Variants in DHRSX observed in about 807,000 individuals in gnomAD.
DHRSX encodes dehydrogenase/reductase X-linked, also known as polyprenol dehydrogenase.
DHRSX carries 31 observed loss-of-function variants against 34.0 expected under a neutral mutation model. The ratio of observed to expected loss-of-function variants is 0.91; its 90% CI spans 0.69 to 1.23. DHRSX has a LOEUF of 1.23. Ranked by LOEUF, DHRSX falls within the 50% of genes most tolerant of loss-of-function variation. The pLI is 0.00. For missense variants in DHRSX, 414 were observed against 428.1 expected, an observed-to-expected ratio of 0.97 and a Z score of 0.29; for synonymous variants, 201 against 183.8, an observed-to-expected ratio of 1.09 and a Z score of -0.76.
intron 3 of DHRSX, among the ~76,000 whole-genome samples, chrX:2,373,972 G>A (rs1466418678): frequency 6.6e-6 from 1 of 152,204 alleles, no homozygotes; most frequent in Non-Finnish European, 1.5e-5. Flanking sequence ...GTAAGTTCCT[G>A]TAGCATCTTA....
intron 2 of DHRSX, among the ~76,000 whole-genome samples, chrX:2,417,462 G>A (rs17461767): frequency 0.82 from 124,022 of 151,982 alleles, 51,394 homozygotes; most frequent in African/African-American, 0.95. Context: ...TAACCCAGCT[G>A]GACCTTATCA....
At chrX:2,316,929 C>T (rs2042247486) in intron 3 of DHRSX, among the ~76,000 whole-genome samples, 1 of 152,152 alleles carries the variant, frequency 6.6e-6, no homozygotes, top group Admixed American at 6.6e-5. Context: ...GAAAAACAGA[C>T]GCCAGTCACC....
chrX:2,360,111 A>G (rs2042909811), intron 3 of DHRSX, among the ~76,000 whole-genome samples: 1 of 152,196 alleles, frequency 6.6e-6, no homozygotes, highest in South Asian at 2.1e-4. Flanking sequence ...AAGAATCAAA[A>G]TTTCCAGAAG....
intron 5 of DHRSX, among the ~76,000 whole-genome samples, chrX:2,259,311 T>C (rs1457331157): frequency 1.4e-5 from 2 of 146,968 alleles, no homozygotes; most frequent in South Asian, 2.2e-4. Flanking sequence ...GATATAGATA[T>C]AGATATATAG....
At chrX:2,266,661 A>C in intron 5 of DHRSX, 79 bp downstream of exon 5, 1 of 1,410,546 alleles carries the variant, frequency 7.1e-7, no homozygotes, top group Non-Finnish European at 1.0e-6. Context: ...AGGGAGCGCC[A>C]CACCGCACAG....
intron 3 of DHRSX, among the ~76,000 whole-genome samples, chrX:2,380,504 A>G (rs1388447293): frequency 6.6e-6 from 1 of 152,102 alleles, no homozygotes. Context: ...ATGTATAGAT[A>G]TGATGTATGA....
rs1238720791 is a variant in DHRSX, at chrX:2,489,423, T to G, written c.109+11394A>C. 2.0e-5 allele frequency: 33 copies of G among 1,613,662 alleles called. No individual in the cohort carries two copies. The Admixed American group carries it at 5.5e-4, about 27-fold the overall frequency. ...GAGTCGGTCTCCTTGATGTTGAGCG[T>G]GGTGTTCAGGAGCATGTGCAGCAGC... is the stretch of plus-strand genomic sequence containing the variant. On this transcript the variant is annotated intron_variant, in intron 1 of 6. Transcript: ENST00000334651.
intron 4 of DHRSX, among the ~76,000 whole-genome samples, chrX:2,276,775 A>G (rs2041662528): frequency 6.7e-6 from 1 of 148,816 alleles, no homozygotes; most frequent in Middle Eastern, 3.4e-3. Flanking sequence ...CAAAGAAGGA[A>G]GAGAGAAGGA....
intron 1 of DHRSX, among the ~76,000 whole-genome samples, chrX:2,436,409 T>C (rs1443477419): frequency 6.6e-6 from 1 of 151,166 alleles, no homozygotes; most frequent in Non-Finnish European, 1.5e-5. Flanking sequence ...TGTTTTATCA[T>C]GAGGTTGGTG....
chrX:2,353,786 C>T (rs1468128928), intron 3 of DHRSX, among the ~76,000 whole-genome samples: 3 of 151,760 alleles, frequency 2.0e-5, no homozygotes, highest in East Asian at 3.9e-4. Flanking sequence ...GGTCTCTCCA[C>T]GTTGGTCAGG....
At chrX:2,386,204 G>A (rs2043270482) in intron 3 of DHRSX, among the ~76,000 whole-genome samples, 2 of 137,794 alleles carry the variant, frequency 1.5e-5, no homozygotes, top group Admixed American at 1.5e-4. Flanking sequence ...TATTTTGTGT[G>A]TGAGAGAGAG....
At chrX:2,378,190 CG>C (rs2043163839) in intron 3 of DHRSX, among the ~76,000 whole-genome samples, 1 of 152,242 alleles carries the variant, frequency 6.6e-6, no homozygotes, top group African/African-American at 2.4e-5. Flanking sequence ...TCCTTTGACA[CG>C]GGCTCTGCCC....
At chrX:2,332,944 G>C (rs2042499142) in intron 3 of DHRSX, among the ~76,000 whole-genome samples, 1 of 152,050 alleles carries the variant, frequency 6.6e-6, no homozygotes, top group Non-Finnish European at 1.5e-5. Flanking sequence ...ATGGGCGTGA[G>C]GTAACTAACA....
intron 1 of DHRSX, among the ~76,000 whole-genome samples, chrX:2,459,145 T>G (rs1043020696): frequency 6.6e-6 from 1 of 151,996 alleles, no homozygotes; most frequent in African/African-American, 2.4e-5. Flanking sequence ...CTCAAAAACA[T>G]AAATTACATT....
At chrX:2,415,709 C>T (rs759653465) in intron 2 of DHRSX, among the ~76,000 whole-genome samples, 2 of 151,618 alleles carry the variant, frequency 1.3e-5, no homozygotes, top group South Asian at 4.2e-4. Flanking sequence ...CTGAATATGA[C>T]TAGATCTCAT....
At chrX:2,304,182 T>C (rs1240117361) in intron 3 of DHRSX, among the ~76,000 whole-genome samples, 1 of 114,670 alleles carries the variant, frequency 8.7e-6, no homozygotes, top group Non-Finnish European at 1.8e-5. Flanking sequence ...GATGGATGGA[T>C]GGATGGATGG....
At chrX:2,500,267 C>G (rs767850821) in intron 1 of DHRSX, 254 of 167,958 alleles carry the variant, frequency 1.5e-3, no homozygotes, top group African/African-American at 5.7e-3. Context: ...GCCTCTGGGC[C>G]CCCTCTGGAG....
At chrX:2,397,930 G>GCA (rs111697078) in intron 3 of DHRSX, among the ~76,000 whole-genome samples, 5,021 of 138,268 alleles carry the variant, frequency 0.036, 406 homozygotes, top group South Asian at 0.14. Context: ...CTCAGAGCGC[G>GCA]CACACACACA....
intron 1 of DHRSX, among the ~76,000 whole-genome samples, chrX:2,499,803 G>C (rs2045369876): frequency 6.6e-6 from 1 of 152,146 alleles, no homozygotes; most frequent in Admixed American, 6.5e-5. Flanking sequence ...CCAACAGTTT[G>C]GGAGGCAAAG....
Sources: gnomAD v4.1 joint callset for allele counts (sites outside exome capture counted in the v4.1 genomes callset) on GRCh38, gnomAD v4.1.1 for gene constraint, MANE v1.5 for transcripts, NCBI Gene and HGNC (gene_info 2026-07-23, HGNC 2026-07-21) for gene names.